CELF2: variants seen among roughly 807,000 people sequenced by gnomAD.
CELF2 encodes the protein CUGBP Elav-like family member 2, also known as CUG triplet repeat RNA-binding protein 2.
In CELF2, 8 loss-of-function variants were observed where a neutral mutation model predicts 62.6. The ratio of observed to expected loss-of-function variants is 0.13; its 90% CI spans 0.07 to 0.23. CELF2 has a LOEUF of 0.23. Among genes scored for constraint, CELF2 ranks in the 10% least tolerant of loss-of-function variants. The pLI, the probability that CELF2 is intolerant of heterozygous loss-of-function variation, is 1.00. For missense variants in CELF2, 333 were observed against 671.0 expected, an observed-to-expected ratio of 0.50 and a Z score of 5.56; for synonymous variants, 258 against 250.0, an observed-to-expected ratio of 1.03 and a Z score of -0.30.
At chr10:11,060,863 A>C (rs150831946) in intron 1 of CELF2, among the ~76,000 whole-genome samples, 3 of 152,338 alleles carry the variant, frequency 2.0e-5, no homozygotes, top group Non-Finnish European at 4.4e-5. Flanking sequence ...TGTCAGGAAC[A>C]GTTCCCATAG....
Position 11,321,399 on chromosome 10 carries a change from C to A in CELF2, c.1294+13C>A. ...AGCCAGAAGGAAGGTAGGTGCCGCCCTTGGCCCCAGGCAGGGCCCAGCCCA... is the reference window on the plus strand; with the variant it reads ...AGCCAGAAGGAAGGTAGGTGCCGCCATTGGCCCCAGGCAGGGCCCAGCCCA... On this transcript the variant is annotated intron_variant, in intron 11 of 12. Transcript: ENST00000633077. This position sits in a 1 kb window ranked among gnomAD's most constrained non-coding sequence, Gnocchi z 6.2. 1 of 1,600,302 alleles carries A rather than the reference C, an allele frequency of 6.2e-7. No homozygotes were observed. Among genetic ancestry groups the A allele is most frequent in the South Asian group, 1.1e-5 (1 of 90,902 alleles).
intron 3 of CELF2, among the ~76,000 whole-genome samples, chr10:11,241,892 C>G (rs1246874567): frequency 1.3e-5 from 2 of 152,082 alleles, no homozygotes; most frequent in African/African-American, 4.8e-5. Flanking sequence ...TTAGCATTCC[C>G]AAATTTTTTT....
At chr10:10,516,524 TAC>T in the CELF2 span, among the ~76,000 whole-genome samples, 1 of 152,168 alleles carries the variant, frequency 6.6e-6, no homozygotes, top group Non-Finnish European at 1.5e-5. Context: ...AGCAGCAAAT[TAC>T]AGTCAATTCG....
intron 1 of CELF2, among the ~76,000 whole-genome samples, chr10:11,143,627 G>A (rs144868770): frequency 1.1e-4 from 17 of 152,234 alleles, no homozygotes; most frequent in African/African-American, 2.2e-4. Flanking sequence ...CATATCTCAC[G>A]TTGAGAACTT....
the CELF2 span, among the ~76,000 whole-genome samples, chr10:10,721,490 T>C: frequency 6.6e-6 from 1 of 152,230 alleles, no homozygotes; most frequent in Non-Finnish European, 1.5e-5. Context: ...TGGAACAAAA[T>C]AATACTTCAG....
At chr10:10,724,157 T>C in the CELF2 span, among the ~76,000 whole-genome samples, 1 of 152,162 alleles carries the variant, frequency 6.6e-6, no homozygotes, top group South Asian at 2.1e-4. Flanking sequence ...ATTCTTTTAT[T>C]TTAAGTGAAA....
chr10:11,167,968 C>T (rs2067722178), intron 2 of CELF2, among the ~76,000 whole-genome samples: 2 of 152,174 alleles, frequency 1.3e-5, no homozygotes, highest in African/African-American at 4.8e-5. Flanking sequence ...CATCTGTCTT[C>T]ATGGACTACA....
At chr10:11,038,218 G>A (rs368855388) in intron 1 of CELF2, among the ~76,000 whole-genome samples, 6 of 152,210 alleles carry the variant, frequency 3.9e-5, no homozygotes, top group Admixed American at 3.3e-4. Context: ...CGTTCAGGGG[G>A]TGAACATAGT....
the CELF2 span, among the ~76,000 whole-genome samples, chr10:10,562,353 A>G: frequency 6.6e-6 from 1 of 152,224 alleles, no homozygotes; most frequent in Admixed American, 6.5e-5. Flanking sequence ...ACAATTAGTG[A>G]TGAATAATCC....
rs2133336827 is a variant in CELF2 at position 11,165,223 on chromosome 10, G to A, written c.75-263G>A. The A allele has an allele frequency of 1.5e-6, 2 of 1,313,952 alleles. No homozygotes were observed. Among genetic ancestry groups the A allele is most frequent in the Non-Finnish European group, 9.7e-7 (1 of 1,028,130 alleles). 81.4% of individuals were successfully genotyped at this position (1,313,952 alleles called of 1,614,324 possible). A position where few individuals can be genotyped will look rare whatever the true frequency, so the allele number is the denominator to read the frequency against. ...GAGCCTCCAAGATGTCCACGCCCTG[G>A]GTGACAGGCGGCAGGGCGCTGCCCC... On this transcript the variant is annotated intron_variant, in intron 1 of 12. Coordinates refer to ENST00000633077, the MANE Select transcript of CELF2 (RefSeq NM_001326342.2). This position sits in a 1 kb window ranked among gnomAD's most constrained non-coding sequence, Gnocchi z 7.4.
At chr10:10,754,512 A>G in the CELF2 span, among the ~76,000 whole-genome samples, 1 of 152,208 alleles carries the variant, frequency 6.6e-6, no homozygotes, top group Non-Finnish European at 1.5e-5. Context: ...ACAGCTTCAA[A>G]TGATGACTAC....
chr10:10,588,956 A>G, the CELF2 span, among the ~76,000 whole-genome samples: 12 of 152,294 alleles, frequency 7.9e-5, no homozygotes, highest in East Asian at 2.3e-3. Context: ...AGTGTCTGGG[A>G]CAAATCTCAA....
At chr10:10,641,606 A>G in the CELF2 span, among the ~76,000 whole-genome samples, 1 of 151,920 alleles carries the variant, frequency 6.6e-6, no homozygotes, top group South Asian at 2.1e-4. Flanking sequence ...ACATCCAGCT[A>G]ATTTTTGTAT....
chr10:10,989,446 C>A (rs1233648593), intron 2 of CELF2, among the ~76,000 whole-genome samples: 1 of 152,036 alleles, frequency 6.6e-6, no homozygotes, highest in Non-Finnish European at 1.5e-5. Flanking sequence ...ACCCCAAAAA[C>A]CCCAGGGAAA....
the CELF2 span, among the ~76,000 whole-genome samples, chr10:10,520,446 G>A: frequency 6.6e-6 from 1 of 152,116 alleles, no homozygotes; most frequent in Non-Finnish European, 1.5e-5. Flanking sequence ...GATACCACAA[G>A]AGCCAAATAT....
At chr10:10,724,139 A>C in the CELF2 span, among the ~76,000 whole-genome samples, 2 of 152,240 alleles carry the variant, frequency 1.3e-5, no homozygotes, top group South Asian at 4.1e-4. Flanking sequence ...ATTTTCCATA[A>C]AAATTTCATT....
chr10:10,803,202 A>G (rs1285635505), intron 1 of CELF2, among the ~76,000 whole-genome samples: 3 of 152,244 alleles, frequency 2.0e-5, no homozygotes, highest in Non-Finnish European at 4.4e-5. Flanking sequence ...ACATAGAGGA[A>G]TGAAAGCATT....
At chr10:10,907,840 G>T (rs2063470047) in intron 1 of CELF2, among the ~76,000 whole-genome samples, 1 of 152,262 alleles carries the variant, frequency 6.6e-6, no homozygotes, top group Middle Eastern at 3.4e-3. Context: ...ACACAGATTT[G>T]CATTTTCAGA....
At chr10:10,905,480 C>T (rs1005136831) in intron 1 of CELF2, among the ~76,000 whole-genome samples, 16 of 152,158 alleles carry the variant, frequency 1.1e-4, no homozygotes, top group South Asian at 2.1e-4. Context: ...TGGTGGCTCA[C>T]GCCCGTTAAT....
Sources: allele counts gnomAD v4.1 joint callset (sites outside exome capture counted in the v4.1 genomes callset), GRCh38; gene constraint gnomAD v4.1.1; non-coding constraint Gnocchi (gnomAD v3.1); transcripts MANE v1.5; gene names NCBI Gene and HGNC (gene_info 2026-07-23, HGNC 2026-07-21).